The following RGS7 variants were observed in gnomAD, a reference collection of about 807,000 sequenced individuals.
RGS7 encodes the protein regulator of G-protein signaling 7.
A neutral mutation model predicts 81.1 loss-of-function variants in RGS7; 27 were observed. That is an observed-to-expected ratio of 0.33 (90% confidence interval 0.25 to 0.46). The LOEUF (loss-of-function observed/expected upper bound fraction) is 0.46. RGS7 is among the 20% of genes least tolerant of loss of function. The pLI, the probability that RGS7 is intolerant of heterozygous loss-of-function variation, is 1.00. For missense variants in RGS7, 396 were observed against 607.4 expected (o/e 0.65, Z 3.66); for synonymous variants, 208 against 207.7 (o/e 1.00, Z -0.01).
rs185532731 is a variant in RGS7 at position 241,131,236 on chromosome 1, A to C, written c.79-32474T>G. Among the ~76,000 whole-genome samples the C allele has an allele frequency of 1.2e-3, 177 of 152,334 alleles. 2 individuals are homozygous for C. The highest frequency in any genetic ancestry group is 4.1e-3 in the African/African-American group (172 of 41,578). Reference sequence around the variant, plus strand: ...ACACCCATAGCACATAGGAAAAAAAAGCCAAATGACAATTTAGAAATGTAA... The same window carrying C: ...ACACCCATAGCACATAGGAAAAAAACGCCAAATGACAATTTAGAAATGTAA... On this transcript the variant is annotated intron_variant, in intron 2 of 18. Coordinates refer to ENST00000440928, the MANE Select transcript of RGS7 (RefSeq NM_001364886.1).
At chr1:240,939,740 C>T (rs1008546498) in intron 4 of RGS7, among the ~76,000 whole-genome samples, 1 of 151,114 alleles carries the variant, frequency 6.6e-6, no homozygotes, top group Non-Finnish European at 1.5e-5. Context: ...GAAAATAGCT[C>T]TTATCACCAG....
chr1:241,100,361 C>T (rs1572692022), intron 2 of RGS7, among the ~76,000 whole-genome samples: 2 of 92,374 alleles, frequency 2.2e-5, no homozygotes, highest in African/African-American at 9.3e-5. Flanking sequence ...GGCAAAAGAG[C>T]AAGACTCCAT....
chr1:240,813,034 C>G (rs1690150901), intron 13 of RGS7, among the ~76,000 whole-genome samples: 1 of 152,176 alleles, frequency 6.6e-6, no homozygotes, highest in Non-Finnish European at 1.5e-5. Flanking sequence ...GAGCACCCAT[C>G]TTTTCTTTGT....
intron 2 of RGS7, among the ~76,000 whole-genome samples, chr1:241,346,650 A>G (rs1322362322): frequency 6.6e-6 from 1 of 152,232 alleles, no homozygotes; most frequent in Non-Finnish European, 1.5e-5. Context: ...CAGTTCTGCC[A>G]CTAGTCTTGG....
intron 2 of RGS7, among the ~76,000 whole-genome samples, chr1:241,350,296 T>A (rs1485966847): frequency 6.6e-6 from 1 of 152,198 alleles, no homozygotes; most frequent in East Asian, 1.9e-4. Context: ...ATCACTGAGA[T>A]AAAAACAGAT....
At chr1:241,206,390 A>T (rs1463965323) in intron 2 of RGS7, among the ~76,000 whole-genome samples, 1 of 151,704 alleles carries the variant, frequency 6.6e-6, no homozygotes, top group South Asian at 2.1e-4. Context: ...ACACCTGGTT[A>T]ATTTTTGTAT....
intron 6 of RGS7, among the ~76,000 whole-genome samples, chr1:240,883,505 T>A (rs1376410483): frequency 2.0e-5 from 3 of 152,172 alleles, no homozygotes. Context: ...TCACATTAAA[T>A]CCTCATTATT....
chr1:241,025,614 G>T (rs79326379), intron 3 of RGS7, among the ~76,000 whole-genome samples: 4,103 of 152,130 alleles, frequency 0.027, 204 homozygotes, highest in African/African-American at 0.093. Flanking sequence ...TAAATATGGG[G>T]GAGGGAAGAT....
chr1:241,290,264 T>C (rs1475726279), intron 2 of RGS7, among the ~76,000 whole-genome samples: 1 of 152,208 alleles, frequency 6.6e-6, no homozygotes, highest in Non-Finnish European at 1.5e-5. Flanking sequence ...CCAAAATGTG[T>C]GATTCAGATG....
intron 3 of RGS7, among the ~76,000 whole-genome samples, chr1:241,061,342 T>C (rs1400145180): frequency 6.6e-6 from 1 of 152,210 alleles, no homozygotes; most frequent in Non-Finnish European, 1.5e-5. Context: ...TAAACTCATA[T>C]TTAGGATATC....
intron 2 of RGS7, among the ~76,000 whole-genome samples, chr1:241,219,397 T>C (rs529904468): frequency 6.6e-6 from 1 of 152,298 alleles, no homozygotes; most frequent in Non-Finnish European, 1.5e-5. Flanking sequence ...ATTGTGAGGA[T>C]TTCCCAGTCA....
chr1:241,235,457 A>T (rs1007011554), intron 2 of RGS7, among the ~76,000 whole-genome samples: 1 of 152,350 alleles, frequency 6.6e-6, no homozygotes, highest in Non-Finnish European at 1.5e-5. Context: ...CCTGGTTTCC[A>T]TGGCAACATC....
intron 6 of RGS7, among the ~76,000 whole-genome samples, chr1:240,890,908 A>G (rs1253262929): frequency 6.6e-6 from 1 of 152,250 alleles, no homozygotes; most frequent in Non-Finnish European, 1.5e-5. Context: ...GCAGTTTAAT[A>G]TCCAATGGCA....
At chr1:240,997,512 CAACAATCAA>C (rs1309151839) in intron 3 of RGS7, among the ~76,000 whole-genome samples, 1 of 151,826 alleles carries the variant, frequency 6.6e-6, no homozygotes, top group Non-Finnish European at 1.5e-5. Flanking sequence ...TTTTTTTCTT[CAACAATCAA>C]AACAATCAAA....
At chr1:241,270,753 C>G (rs1372554054) in intron 2 of RGS7, among the ~76,000 whole-genome samples, 1 of 108,360 alleles carries the variant, frequency 9.2e-6, no homozygotes, top group Non-Finnish European at 2.1e-5. Flanking sequence ...AGAAATAAAC[C>G]CCCCCCCCTT....
intron 2 of RGS7, among the ~76,000 whole-genome samples, chr1:241,278,919 T>C (rs955552046): frequency 4.6e-5 from 7 of 152,170 alleles, no homozygotes; most frequent in Non-Finnish European, 8.8e-5. Context: ...AATCTCCTTA[T>C]TTTCTGGAGA....
intron 10 of RGS7, among the ~76,000 whole-genome samples, chr1:240,818,082 T>G (rs1365477204): frequency 6.6e-6 from 1 of 152,200 alleles, no homozygotes; most frequent in Middle Eastern, 3.2e-3. Context: ...TTTTTTTCTT[T>G]TTTTATAATG....
rs751152696 is a variant in RGS7, at chr1:240,883,141, T to C, written c.386-13022A>G. ...CACATTTTCTTAATCCAGTCTATCG[T>C]TGTTGGACATTTGGGTTGGTTCCAA... On this transcript the variant is annotated intron_variant, in intron 6 of 18. Transcript: ENST00000440928. Among the ~76,000 whole-genome samples, 131 of 150,134 alleles carry C rather than the reference T, an allele frequency of 8.7e-4. 1 individual carries two copies. Among genetic ancestry groups the C allele is most frequent in the Admixed American group, 1.4e-3 (21 of 15,028 alleles).
At chr1:241,188,207 T>C (rs543867780) in intron 2 of RGS7, among the ~76,000 whole-genome samples, 1 of 152,242 alleles carries the variant, frequency 6.6e-6, no homozygotes, top group African/African-American at 2.4e-5. Flanking sequence ...CCCATAAATA[T>C]ATACAATTAT....
Sources: gnomAD v4.1 joint callset for allele counts (sites outside exome capture counted in the v4.1 genomes callset) on GRCh38, gnomAD v4.1.1 for gene constraint, MANE v1.5 for transcripts, NCBI Gene and HGNC (gene_info 2026-07-23, HGNC 2026-07-21) for gene names.